Variants in ZNF565 observed in about 807,000 individuals in gnomAD.
ZNF565 encodes the protein zinc finger protein 565.
A neutral mutation model predicts 39.4 loss-of-function variants in ZNF565; 27 were observed. The observed-to-expected ratio is 0.69, with a 90% CI of 0.51 to 0.95. The LOEUF (loss-of-function observed/expected upper bound fraction) is 0.95. Among genes scored for constraint, ZNF565 ranks in the 40% least tolerant of loss-of-function variants. The pLI is 0.00. For synonymous variants in ZNF565, 185 were observed against 216.6 expected (o/e 0.85, Z 1.28); for missense variants, 524 against 621.1 (o/e 0.84, Z 1.66).
Position 36,245,668 on chromosome 19 carries a change from G to A in ZNF565, c.-138C>T, listed in dbSNP as rs941186051. On this transcript the variant is annotated 5_prime_UTR_variant, in exon 1 of 5. Coordinates refer to the ZNF565 transcript ENST00000355114. The surrounding 1 kb of genome is among the most constrained non-coding windows in gnomAD (Gnocchi z 4.4). ...TTGGCAGAGTCTCTGGTGCCCGGGT[G>A]AATGGGTTCAGGGTCTCTTAAGGAC... The A allele has an allele frequency of 1.7e-4, 114 of 674,304 alleles. No homozygotes were observed. Among genetic ancestry groups the A allele is most frequent in the Non-Finnish European group, 2.0e-4 (73 of 370,586 alleles). 41.8% of individuals were successfully genotyped at this position (674,304 alleles called of 1,614,324 possible). A position where few individuals can be genotyped will look rare whatever the true frequency, so the allele number is the denominator to read the frequency against.
At chr19:36,198,402 C>T (rs1975840639) in intron 2 of ZNF565, among the ~76,000 whole-genome samples, 1 of 152,226 alleles carries the variant, frequency 6.6e-6, no homozygotes, top group South Asian at 2.1e-4. Flanking sequence ...ACTGCATGTT[C>T]TCACTTATTT....
intron 4 of ZNF565, among the ~76,000 whole-genome samples, chr19:36,192,690 T>C (rs1975602763): frequency 6.6e-6 from 1 of 151,608 alleles, no homozygotes; most frequent in Non-Finnish European, 1.5e-5. Flanking sequence ...TTAGTAGAGA[T>C]GGGGTTTTAC....
chr19:36,234,751 T>C (rs1278543739), intron 1 of ZNF565, among the ~76,000 whole-genome samples: 3 of 152,160 alleles, frequency 2.0e-5, no homozygotes, highest in Non-Finnish European at 4.4e-5. Flanking sequence ...TTACCATATA[T>C]GTGGGTTTAA....
chr19:36,211,225 C>T (rs1976343500), intron 1 of ZNF565, among the ~76,000 whole-genome samples: 1 of 146,850 alleles, frequency 6.8e-6, no homozygotes, highest in Admixed American at 6.8e-5. Context: ...GGCAGATCAC[C>T]TGAGATCAGG....
chr19:36,236,554 C>T, intron 1 of ZNF565: 1 of 1,614,142 alleles, frequency 6.2e-7, no homozygotes, highest in Non-Finnish European at 8.5e-7. Context: ...AGCATTTTCA[C>T]ACGAGAGAGA....
Position 36,197,565 on chromosome 19 carries a change from G to A in ZNF565, c.10-2409C>T, listed in dbSNP as rs1975811182. 3.9e-5 allele frequency among the ~76,000 whole-genome samples: 6 copies of A among 152,216 alleles called. No individual in the cohort carries two copies. In the South Asian group the frequency reaches 1.2e-3, roughly 32 times the overall value. On this transcript the variant is annotated intron_variant, in intron 2 of 4. Coordinates refer to ENST00000304116, the MANE Select transcript of ZNF565 (RefSeq NM_152477.5). Reference sequence around the variant, plus strand: ...GCAGGCAGGCAGAAAGACAGAGACTGTTATTGGTTGCATAATATCGTATGT... The same window carrying A: ...GCAGGCAGGCAGAAAGACAGAGACTATTATTGGTTGCATAATATCGTATGT...
At chr19:36,192,727 C>G (rs1975604252) in intron 4 of ZNF565, among the ~76,000 whole-genome samples, 1 of 151,820 alleles carries the variant, frequency 6.6e-6, no homozygotes. Context: ...GTCTTGAACT[C>G]CTGGCTTCAA....
At chr19:36,182,272 A>C (rs1975112447), downstream of ZNF565, 1 of 451,778 alleles carries the variant, frequency 2.2e-6, no homozygotes, top group African/African-American at 2.0e-5. Flanking sequence ...TCTGATGCTT[A>C]GGAAACAGTG....
chr19:36,198,096 G>T (rs893025820), intron 2 of ZNF565, among the ~76,000 whole-genome samples: 1 of 151,590 alleles, frequency 6.6e-6, no homozygotes, highest in Admixed American at 6.6e-5. Context: ...TTGCACCACT[G>T]CCGGCATGGG....
intron 4 of ZNF565, among the ~76,000 whole-genome samples, chr19:36,189,611 T>C (rs891717441): frequency 6.6e-6 from 1 of 151,796 alleles, no homozygotes; most frequent in East Asian, 2.0e-4. Context: ...CATGAGCCAC[T>C]GTACCCGGCC....
In ZNF565 at chr19:36,183,481, G is replaced by T. The variant is rs764077983; in HGVS notation, c.485C>A (p.Thr162Asn). 3 of 1,614,212 alleles carry T rather than the reference G, an allele frequency of 1.9e-6. No individual in the cohort carries two copies. The Admixed American group carries it at 5.0e-5, about 27-fold the overall frequency. ...TSHTVRQSRE[T>N]GEKLMECHEC... is the part of the protein sequence containing the mutation. ...ATGACATTCCATCAGTTTCTCACCA[G>T]TCTCCCTGCTCTGACGTACAGTGTG... Residue 162 changes from threonine to asparagine, a missense_variant, in exon 5 of 5, where the codon ACT (threonine) becomes AAT (asparagine). By Grantham distance (65) the Thr-to-Asn change is moderately conservative. Coordinates refer to ENST00000304116, the MANE Select transcript of ZNF565 (RefSeq NM_152477.5).
chr19:36,239,078 T>C (rs1977751368), intron 1 of ZNF565, among the ~76,000 whole-genome samples: 1 of 152,116 alleles, frequency 6.6e-6, no homozygotes, highest in African/African-American at 2.4e-5. Context: ...CGTGGAAAAA[T>C]TGTCTTCCAT....
At chr19:36,242,743 A>G (rs1977821431) in intron 1 of ZNF565, among the ~76,000 whole-genome samples, 1 of 152,232 alleles carries the variant, frequency 6.6e-6, no homozygotes, top group African/African-American at 2.4e-5. Context: ...AAATAAAATG[A>G]AAATTAAAAT....
intron 2 of ZNF565, 133 bp downstream of exon 2, chr19:36,201,844 G>T: frequency 1.0e-6 from 1 of 1,003,734 alleles, no homozygotes. Flanking sequence ...AGGGACTTGG[G>T]CACCATTACT....
intron 1 of ZNF565, among the ~76,000 whole-genome samples, chr19:36,233,388 G>A (rs1167310724): frequency 1.3e-5 from 2 of 152,138 alleles, no homozygotes; most frequent in South Asian, 2.1e-4. Context: ...AGCTGTGGGC[G>A]TTTCTCGTCA....
upstream of ZNF565, among the ~76,000 whole-genome samples, chr19:36,217,089 G>GTC (rs980258968): frequency 4.6e-5 from 5 of 107,606 alleles, no homozygotes; most frequent in African/African-American, 1.1e-4. Flanking sequence ...TTGAGATGGA[G>GTC]TCTCTCTCTC....
chr19:36,245,595 A>C lies in ZNF565; in HGVS notation c.-65T>G. On this transcript the variant is annotated 5_prime_UTR_variant, in exon 1 of 5. Coordinates refer to the ZNF565 transcript ENST00000355114. The surrounding 1 kb of genome is among the most constrained non-coding windows in gnomAD (Gnocchi z 4.4). ...CACCGCGGATCTAGGAGGAGGCTTG[A>C]GATGCAGCCTCCCAGCTTCGAGGCT... 1 of 701,642 alleles carries C rather than the reference A, an allele frequency of 1.4e-6. No homozygotes were observed. Among genetic ancestry groups the C allele is most frequent in the African/African-American group, 1.7e-5 (1 of 57,342 alleles). The allele number at this position is 701,642 out of a possible 1,614,324, so 43.5% of individuals were successfully genotyped here.
intron 2 of ZNF565, among the ~76,000 whole-genome samples, chr19:36,198,496 G>A (rs889752337): frequency 6.6e-6 from 1 of 152,146 alleles, no homozygotes; most frequent in Non-Finnish European, 1.5e-5. Context: ...GGTAGAGGGA[G>A]GCTGAGTGGG....
intron 1 of ZNF565, among the ~76,000 whole-genome samples, chr19:36,223,004 C>G (rs2910681): frequency 1.3e-5 from 2 of 151,710 alleles, no homozygotes; most frequent in Non-Finnish European, 2.9e-5. Flanking sequence ...TTTAGAGGCA[C>G]AGTCTCACTG....
Sources: gnomAD v4.1 joint callset for allele counts (sites outside exome capture counted in the v4.1 genomes callset) on GRCh38, gnomAD v4.1.1 for gene constraint, Gnocchi (gnomAD v3.1) non-coding constraint, MANE v1.5 for transcripts, NCBI Gene and HGNC (gene_info 2026-07-23, HGNC 2026-07-21) for gene names.